The following NCALD variants were observed in gnomAD, a reference collection of about 807,000 sequenced individuals.
The protein encoded by NCALD is neurocalcin-delta.
A neutral mutation model predicts 18.6 loss-of-function variants in NCALD; 10 were observed. The ratio of observed to expected loss-of-function variants is 0.54; its 90% CI spans 0.33 to 0.91. The LOEUF (loss-of-function observed/expected upper bound fraction) is 0.91, where lower values mean the gene tolerates loss of function less well. Among genes scored for constraint, NCALD ranks in the 40% least tolerant of loss-of-function variants. NCALD has a pLI of 0.03. For missense variants in NCALD, 184 were observed against 247.6 expected (o/e 0.74, Z 1.72); for synonymous variants, 88 against 87.4 (o/e 1.01, Z -0.04).
intron 2 of NCALD, among the ~76,000 whole-genome samples, chr8:102,010,068 A>G (rs1821853115): frequency 6.6e-6 from 1 of 152,174 alleles, no homozygotes; most frequent in Admixed American, 6.5e-5. Context: ...AGCAACAACG[A>G]GGAAGGGGCC....
chr8:102,004,723 C>A (rs1821626651), intron 2 of NCALD, among the ~76,000 whole-genome samples: 1 of 152,020 alleles, frequency 6.6e-6, no homozygotes, highest in Admixed American at 6.5e-5. Context: ...AGAAATAATG[C>A]CACATATCTA....
chr8:101,856,448 C>CTT (rs1471317542), intron 4 of NCALD, among the ~76,000 whole-genome samples: 5 of 152,130 alleles, frequency 3.3e-5, no homozygotes, highest in Admixed American at 2.6e-4. Flanking sequence ...GCAAAGACTC[C>CTT]TTTACTGTCA....
chr8:101,795,071 A>C (rs1185383146), upstream of NCALD, among the ~76,000 whole-genome samples: 1 of 152,190 alleles, frequency 6.6e-6, no homozygotes, highest in East Asian at 1.9e-4. Context: ...AATGTCCTGA[A>C]TACAACTATG....
chr8:101,782,847 C>T (rs76941730), intron 1 of NCALD, among the ~76,000 whole-genome samples: 4,183 of 152,308 alleles, frequency 0.027, 94 homozygotes, highest in Middle Eastern at 0.048. Context: ...CTGCATGATG[C>T]TGGGCACTGT....
At chr8:102,119,780 A>G (rs958448542) in intron 1 of NCALD, among the ~76,000 whole-genome samples, 3 of 152,204 alleles carry the variant, frequency 2.0e-5, no homozygotes, top group African/African-American at 7.2e-5. Flanking sequence ...GCACTTTCAC[A>G]TTAGAATATA....
intron 1 of NCALD, among the ~76,000 whole-genome samples, chr8:102,071,557 G>T (rs1292840335): frequency 2.1e-4 from 32 of 152,324 alleles, no homozygotes; most frequent in Non-Finnish European, 7.3e-5. Flanking sequence ...AAAGGAAGAA[G>T]TAAACCTTTA....
rs1049225835 is a variant in NCALD at position 101,902,969 on chromosome 8, C to A, written c.-107+12840G>T. On this transcript the variant is annotated intron_variant, in intron 3 of 6. Transcript: ENST00000311028. ...AATAGAGACCTTTCTTTCTTCTCTG[C>A]AAGGCAGGGGTGGAGAAGATCGATT... 2.6e-5 allele frequency among the ~76,000 whole-genome samples: 4 copies of A among 152,232 alleles called. No individual in the cohort carries two copies. The East Asian group carries it at 7.7e-4, about 29-fold the overall frequency.
At chr8:101,778,160 C>A (rs1811870390) in intron 1 of NCALD, among the ~76,000 whole-genome samples, 1 of 152,244 alleles carries the variant, frequency 6.6e-6, no homozygotes, top group African/African-American at 2.4e-5. Flanking sequence ...GCTTGCCTGT[C>A]TGCTTCCCAC....
At chr8:102,117,553 A>G (rs564977625) in intron 1 of NCALD, among the ~76,000 whole-genome samples, 1 of 151,090 alleles carries the variant, frequency 6.6e-6, no homozygotes, top group South Asian at 2.1e-4. Flanking sequence ...TTGCAGCCCA[A>G]GGTCTCACTA....
intron 4 of NCALD, among the ~76,000 whole-genome samples, chr8:101,810,636 T>A (rs545814189): frequency 6.6e-6 from 1 of 152,320 alleles, no homozygotes; most frequent in African/African-American, 2.4e-5. Context: ...ATATTTAGCC[T>A]ATTAAATTCA....
At chr8:102,096,959 C>G (rs370122610) in intron 1 of NCALD, among the ~76,000 whole-genome samples, 65 of 152,218 alleles carry the variant, frequency 4.3e-4, no homozygotes, top group Middle Eastern at 6.8e-3. Flanking sequence ...CTTTAAAGAC[C>G]CTATCTTCAA....
In NCALD at chr8:101,809,236, T is replaced by C. The variant is rs1361937812; in HGVS notation, c.-20+77905A>G. 3.3e-5 allele frequency among the ~76,000 whole-genome samples: 5 copies of C among 152,178 alleles called. No homozygotes were observed. The East Asian group carries it at 9.6e-4, about 29-fold the overall frequency. ...TCTTCCTGGACATGGAAGAGTCATA[T>C]GGATTGATGTCTAAGAAAAAGAAGA... On this transcript the variant is annotated intron_variant, in intron 4 of 6. Transcript: ENST00000311028.
chr8:101,783,576 T>C (rs913635754), intron 1 of NCALD, among the ~76,000 whole-genome samples: 5 of 152,104 alleles, frequency 3.3e-5, no homozygotes, highest in Non-Finnish European at 5.9e-5. Context: ...AATAGAAAAG[T>C]AGGCAGCAAT....
At chr8:101,855,021 T>A (rs1464042222) in intron 4 of NCALD, among the ~76,000 whole-genome samples, 2 of 151,984 alleles carry the variant, frequency 1.3e-5, no homozygotes, top group Non-Finnish European at 2.9e-5. Flanking sequence ...CTTGGACACA[T>A]GGGTCAGAGT....
intron 2 of NCALD, among the ~76,000 whole-genome samples, chr8:101,953,780 T>A (rs1819520851): frequency 1.3e-5 from 2 of 152,356 alleles, no homozygotes; most frequent in African/African-American, 4.8e-5. Context: ...TCACCTTTTG[T>A]TGAATGAAGT....
chr8:101,698,252 A>G (rs1207091983), intron 2 of NCALD, among the ~76,000 whole-genome samples: 1 of 152,228 alleles, frequency 6.6e-6, no homozygotes, highest in Non-Finnish European at 1.5e-5. Context: ...CTTCAAGGAG[A>G]ATTACAGACC....
intron 1 of NCALD, among the ~76,000 whole-genome samples, chr8:102,097,587 C>A (rs1161553648): frequency 6.6e-6 from 1 of 152,222 alleles, no homozygotes; most frequent in Non-Finnish European, 1.5e-5. Context: ...CCAAGGCCAG[C>A]AGTTCTGGAT....
intron 4 of NCALD, among the ~76,000 whole-genome samples, chr8:101,874,244 T>C (rs1434074831): frequency 6.6e-6 from 1 of 152,166 alleles, no homozygotes; most frequent in Non-Finnish European, 1.5e-5. Flanking sequence ...GTGGAGCTGA[T>C]AGCTGTATCT....
At chr8:101,763,131 C>T (rs2130846149) in intron 1 of NCALD, among the ~76,000 whole-genome samples, 1 of 152,076 alleles carries the variant, frequency 6.6e-6, no homozygotes. Flanking sequence ...CTGTCTCAGG[C>T]AAACAGAAAA....
Sources: gnomAD v4.1 joint callset for allele counts (sites outside exome capture counted in the v4.1 genomes callset) on GRCh38, gnomAD v4.1.1 for gene constraint, MANE v1.5 for transcripts, NCBI Gene and HGNC (gene_info 2026-07-23, HGNC 2026-07-21) for gene names.